The following MBNL1 variants were observed in gnomAD, a reference collection of about 807,000 sequenced individuals.
MBNL1 encodes the protein muscleblind-like protein 1.
Under a neutral mutation model 42.2 loss-of-function variants are expected in MBNL1, and 8 were observed. The observed-to-expected ratio is 0.19, with a 90% CI of 0.11 to 0.34. The LOEUF (loss-of-function observed/expected upper bound fraction) is 0.34, where lower values mean the gene tolerates loss of function less well. MBNL1 is among the 10% of genes least tolerant of loss of function. MBNL1 has a pLI of 1.00. For missense variants in MBNL1, 309 were observed against 495.3 expected (o/e 0.62, Z 3.57); for synonymous variants, 169 against 173.9 (o/e 0.97, Z 0.22).
chr3:152,292,774 CTT>C (rs397874900), intron 1 of MBNL1, among the ~76,000 whole-genome samples: 5 of 144,958 alleles, frequency 3.4e-5, no homozygotes, highest in Non-Finnish European at 3.0e-5. Flanking sequence ...TTAATTAATA[CTT>C]TTTTTTTTTT....
intron 4 of MBNL1, 21 bp from the exon 5 acceptor site, chr3:152,445,261 A>T (rs1254585027): frequency 6.2e-7 from 1 of 1,601,450 alleles, no homozygotes; most frequent in Admixed American, 1.7e-5. Flanking sequence ...ACTAAACCTC[A>T]TGTACTTAAT....
chr3:152,285,223 T>A (rs1251193132), intron 1 of MBNL1, among the ~76,000 whole-genome samples: 1 of 152,222 alleles, frequency 6.6e-6, no homozygotes, highest in East Asian at 1.9e-4. Context: ...CCTATCTCTC[T>A]CCCTTCTTTT....
chr3:152,399,665 A>G (rs1315146544), intron 2 of MBNL1, among the ~76,000 whole-genome samples: 1 of 151,500 alleles, frequency 6.6e-6, no homozygotes, highest in African/African-American at 2.4e-5. Flanking sequence ...ACACCTGTCT[A>G]TTTTTTTTCT....
chr3:152,270,089 T>C (rs1189221828), intron 1 of MBNL1, among the ~76,000 whole-genome samples: 3 of 152,024 alleles, frequency 2.0e-5, no homozygotes, highest in African/African-American at 4.8e-5. Context: ...TAATATTGTA[T>C]TCTTAAGGCT....
At chr3:152,271,709 A>G (rs563971315) in intron 1 of MBNL1, among the ~76,000 whole-genome samples, 103 of 152,318 alleles carry the variant, frequency 6.8e-4, no homozygotes, top group African/African-American at 2.4e-3. Context: ...GATTGGCCCA[A>G]AATAAAATCC....
chr3:152,376,017 A>T (rs575283063), intron 2 of MBNL1, among the ~76,000 whole-genome samples: 1 of 152,306 alleles, frequency 6.6e-6, no homozygotes, highest in Admixed American at 6.5e-5. Flanking sequence ...CTAAGTTTAG[A>T]TACCAATTCT....
At chr3:152,266,656 T>C (rs558905128), upstream of MBNL1, 1 of 152,354 alleles carries the variant, frequency 6.6e-6, no homozygotes, top group African/African-American at 2.4e-5. Flanking sequence ...CAAAGTTTGC[T>C]CTACTAAGAA....
At chr3:152,274,542 G>A (rs1220136487) in intron 1 of MBNL1, among the ~76,000 whole-genome samples, 1 of 152,074 alleles carries the variant, frequency 6.6e-6, no homozygotes, top group Non-Finnish European at 1.5e-5. Context: ...ATGTAATAAA[G>A]GGAACAGTCC....
chr3:152,459,148 A>G (rs1739892925), intron 8 of MBNL1, 123 bp from the exon 9 acceptor site: 2 of 518,148 alleles, frequency 3.9e-6, no homozygotes, highest in Non-Finnish European at 3.4e-6. Flanking sequence ...TTGACCAGAT[A>G]AGGACTATCA....
At chr3:152,271,105 G>A (rs1051900222) in intron 1 of MBNL1, among the ~76,000 whole-genome samples, 4 of 151,890 alleles carry the variant, frequency 2.6e-5, no homozygotes, top group East Asian at 1.9e-4. Flanking sequence ...GGTACTCTGC[G>A]CAGTCATGCC....
At chr3:152,459,867 CTT>C (rs5853586) in intron 9 of MBNL1, among the ~76,000 whole-genome samples, 9,782 of 143,410 alleles carry the variant, frequency 0.068, 398 homozygotes, top group Middle Eastern at 0.16. Context: ...TAGATTATCA[CTT>C]TTTTTTTTTT....
At chr3:152,450,455 G>A (rs1196468616) in intron 6 of MBNL1, among the ~76,000 whole-genome samples, 1 of 152,196 alleles carries the variant, frequency 6.6e-6, no homozygotes, top group Non-Finnish European at 1.5e-5. Flanking sequence ...GTCTAATGCA[G>A]GGAATGTATA....
At chr3:152,377,070 C>T (rs771575157) in intron 2 of MBNL1, among the ~76,000 whole-genome samples, 1 of 152,138 alleles carries the variant, frequency 6.6e-6, no homozygotes, top group Non-Finnish European at 1.5e-5. Flanking sequence ...GAGGATAATA[C>T]AGCAAAAACA....
upstream of MBNL1, chr3:152,263,152 T>C (rs1256047422): frequency 6.6e-6 from 1 of 152,172 alleles, no homozygotes; most frequent in Non-Finnish European, 1.5e-5. Context: ...TATATATAAA[T>C]GACATGGGGG....
At chr3:152,389,899 G>A (rs1010168120) in intron 2 of MBNL1, among the ~76,000 whole-genome samples, 3 of 151,766 alleles carry the variant, frequency 2.0e-5, no homozygotes, top group Non-Finnish European at 4.4e-5. Flanking sequence ...TTTTTGAGAT[G>A]GAGTCTCGCT....
chr3:152,432,976 T>C (rs527236231), intron 4 of MBNL1, 56 bp downstream of exon 4: 2 of 1,518,112 alleles, frequency 1.3e-6, no homozygotes, highest in Non-Finnish European at 1.8e-6. Context: ...CAAAGTGTGG[T>C]TTTTTGTTTG....
chr3:152,335,494 A>G (rs567873759), intron 2 of MBNL1, among the ~76,000 whole-genome samples: 31 of 152,330 alleles, frequency 2.0e-4, no homozygotes, highest in African/African-American at 7.2e-4. Flanking sequence ...TAGATGGAGC[A>G]TAGTTTTCCA....
chr3:152,371,451 G>A (rs1278363531), intron 2 of MBNL1, among the ~76,000 whole-genome samples: 1 of 152,136 alleles, frequency 6.6e-6, no homozygotes, highest in Non-Finnish European at 1.5e-5. Flanking sequence ...TACAAAATTA[G>A]CCAGCTGTGG....
intron 3 of MBNL1, among the ~76,000 whole-genome samples, chr3:152,418,614 TAAAAAAAA>T (rs35149542): frequency 9.3e-6 from 1 of 106,956 alleles, no homozygotes; most frequent in Non-Finnish European, 1.8e-5. Flanking sequence ...ACCCTGTCTC[TAAAAAAAA>T]AAAAAAAAAG....
Sources: gnomAD v4.1 joint callset for allele counts (sites outside exome capture counted in the v4.1 genomes callset) on GRCh38, gnomAD v4.1.1 for gene constraint, MANE v1.5 for transcripts, NCBI Gene and HGNC (gene_info 2026-07-23, HGNC 2026-07-21) for gene names.